RAPH1: variants seen among roughly 807,000 people sequenced by gnomAD.
The protein encoded by RAPH1 is Ras association (RalGDS/AF-6) and pleckstrin homology domains 1, also known as ras-associated and pleckstrin homology domains-containing protein 1.
RAPH1 carries 18 observed loss-of-function variants against 88.1 expected under a neutral mutation model. That is an observed-to-expected ratio of 0.20 (90% CI 0.14 to 0.30). The LOEUF is 0.30. RAPH1 is among the 10% of genes least tolerant of loss of function. The pLI is 1.00. For synonymous variants in RAPH1, 587 were observed against 559.0 expected, an observed-to-expected ratio of 1.05 and a Z score of -0.71; for missense variants, 1,448 against 1,543.2, an observed-to-expected ratio of 0.94 and a Z score of 1.03.
At chr2:203,506,822 A>AGATATATATC (rs1559494569) in intron 1 of RAPH1, among the ~76,000 whole-genome samples, 1 of 66,658 alleles carries the variant, frequency 1.5e-5, no homozygotes, top group Non-Finnish European at 2.8e-5. Flanking sequence ...CTATATATCT[A>AGATATATATC]TATATATATC....
chr2:203,440,117 G>C lies in RAPH1; in HGVS notation c.3073C>G (p.Pro1025Ala). The C allele has an allele frequency of 6.2e-7, 1 of 1,613,546 alleles. No homozygotes were observed. Among genetic ancestry groups the C allele is most frequent in the Non-Finnish European group, 8.5e-7 (1 of 1,180,000 alleles). ...KETLPPPAAP[P>A]KPGKLNLSGV... Reference sequence around the variant, plus strand: ...GAAAGATTGAGTTTTCCAGGCTTGGGGGGTGCTGCAGGAGGTGGTAGGGTC... The same window carrying C: ...GAAAGATTGAGTTTTCCAGGCTTGGCGGGTGCTGCAGGAGGTGGTAGGGTC... Residue 1025 changes from proline (P) to alanine (A), a missense_variant, in exon 14 of 14, where the codon CCC (proline) becomes GCC (alanine). This residue lies in a region of RAPH1 where 935 missense variants were observed against 890.1 expected (regional missense o/e 1.05). Coordinates refer to ENST00000319170, the MANE Select transcript of RAPH1 (RefSeq NM_213589.3).
Position 203,434,590 on chromosome 2 carries a change from G to A in RAPH1, c.*4847C>T, listed in dbSNP as rs538361716. On this transcript the variant is annotated 3_prime_UTR_variant, in exon 14 of 14. Coordinates refer to ENST00000319170, the MANE Select transcript of RAPH1 (RefSeq NM_213589.3). ...GCAAAAAAAAAAAAAAAAGTAGGAG[G>A]TGGGGAAATAATATGAAAAACGGCA... is the stretch of plus-strand genomic sequence containing the variant. The A allele has an allele frequency of 3.3e-5, 5 of 152,096 alleles. No homozygotes were observed. In the South Asian group the frequency reaches 1.0e-3, roughly 32 times the overall value. 9.4% of individuals were successfully genotyped at this position (152,096 alleles called of 1,614,324 possible).
chr2:203,525,660 C>T (rs1559506296), intron 1 of RAPH1, among the ~76,000 whole-genome samples: 1 of 151,928 alleles, frequency 6.6e-6, no homozygotes, highest in Non-Finnish European at 1.5e-5. Context: ...ACCTGTAATC[C>T]CAGTTACTTG....
intron 1 of RAPH1, among the ~76,000 whole-genome samples, chr2:203,511,211 C>CT (rs1160263107): frequency 2.6e-5 from 4 of 151,374 alleles, no homozygotes; most frequent in Non-Finnish European, 4.4e-5. Context: ...CAAATTTCGA[C>CT]TTTTTTCTGC....
At position 203,459,498 on chromosome 2, in the gene RAPH1, A is replaced by G. The variant is rs576869465; in HGVS notation, c.1092+409T>C. Among the ~76,000 whole-genome samples, 129 of 152,364 alleles carry G rather than the reference A, an allele frequency of 8.5e-4. 1 individual carries two copies. Among genetic ancestry groups the G allele is most frequent in the Non-Finnish European group, 1.5e-3 (104 of 68,030 alleles). ...ATCAAGGTTACTGGGATGTTTAAAA[A>G]GTAATTCCAAAAGAAGTGTCAACTG... On this transcript the variant is annotated intron_variant, in intron 7 of 13. Transcript: ENST00000319170.
At chr2:203,506,746 A>C (rs7588693) in intron 1 of RAPH1, among the ~76,000 whole-genome samples, 58,912 of 118,712 alleles carry the variant, frequency 0.5, 16,592 homozygotes, top group Middle Eastern at 0.7. Flanking sequence ...ATATATCTAT[A>C]TATATATATA....
At position 203,487,071 on chromosome 2, in the gene RAPH1, A is replaced by G. The variant is rs556488986; in HGVS notation, c.732+2513T>C. ...AGAGGAACTTTTCACGTTTTACTTC[A>G]ATTTGCCCCTATACTGTATGAACTT... On this transcript the variant is annotated intron_variant, in intron 4 of 13. Transcript: ENST00000319170. Among the ~76,000 whole-genome samples the G allele has an allele frequency of 7.2e-5, 11 of 152,316 alleles. No individual in the cohort carries two copies. In the East Asian group the frequency reaches 1.7e-3, roughly 24 times the overall value.
chr2:203,492,462 A>C (rs1033880061), intron 2 of RAPH1, among the ~76,000 whole-genome samples: 4 of 152,178 alleles, frequency 2.6e-5, no homozygotes, highest in Admixed American at 6.5e-5. Flanking sequence ...GTTCTATCAA[A>C]AGGAGGGCAA....
intron 4 of RAPH1, among the ~76,000 whole-genome samples, chr2:203,480,763 C>T (rs974393867): frequency 3.9e-5 from 6 of 152,152 alleles, no homozygotes; most frequent in South Asian, 2.1e-4. Flanking sequence ...TCTTTACTGA[C>T]ACACGTATGC....
intron 3 of RAPH1, 35 bp from the exon 4 acceptor site, chr2:203,490,124 A>G (rs555486247): frequency 1.3e-6 from 2 of 1,533,082 alleles, no homozygotes; most frequent in African/African-American, 2.8e-5. Flanking sequence ...TCCAGAATTT[A>G]TACATTCTAT....
rs2098503634 is a variant in RAPH1 at position 203,441,232 on chromosome 2, G to C, written c.1958C>G (p.Ser653Cys). 1.3e-6 allele frequency: 2 copies of C among 1,575,538 alleles called. No individual in the cohort carries two copies. The highest frequency in any genetic ancestry group is 1.7e-6 in the Non-Finnish European group (2 of 1,154,174). ...PPPPPPLPSQ[S>C]APSAGSAAPM... ...GGCTGCTGAGCCTGCAGAAGGTGCA[G>C]ACTGGCTGGGGAGTGGGGGAGGAGG... Residue 653 changes from serine to cysteine, a missense_variant, in exon 14 of 14, where the codon TCT becomes TGT. Transcript: ENST00000319170.
At chr2:203,462,221 T>C (rs2098524711) in intron 4 of RAPH1, among the ~76,000 whole-genome samples, 1 of 152,232 alleles carries the variant, frequency 6.6e-6, no homozygotes, top group Non-Finnish European at 1.5e-5. Context: ...GTGAAGCAGA[T>C]GAATTTCAGG....
rs1272050521 is a variant in RAPH1, at chr2:203,439,582, G to C, written c.3608C>G (p.Pro1203Arg). The C allele has an allele frequency of 6.2e-7, 1 of 1,614,120 alleles. No homozygotes were observed. Residue 1203 changes from proline to arginine, a missense_variant, in exon 14 of 14, where the codon CCT becomes CGT. Physicochemically the swap from Pro to Arg is moderately radical, Grantham distance 103. Transcript: ENST00000319170. The part of the protein sequence containing the change: ...PTATMDDMAL[P>R]PPPPELLSDQ... ...AGACAGCAGTTCAGGGGGTGGTGGA[G>C]GCAATGCCATATCATCCATGGTGGC...
chr2:203,474,073 C>T (rs564770025), intron 4 of RAPH1, among the ~76,000 whole-genome samples: 12 of 152,206 alleles, frequency 7.9e-5, no homozygotes, highest in Admixed American at 6.5e-4. Context: ...CCCAAATTAG[C>T]GGCTTAATAA....
In RAPH1 at chr2:203,436,058, A is replaced by G. The variant is rs2098498229; in HGVS notation, c.*3379T>C. The G allele has an allele frequency of 6.6e-6, 1 of 152,214 alleles. No homozygotes were observed. Among genetic ancestry groups the G allele is most frequent in the African/African-American group, 2.4e-5 (1 of 41,450 alleles). 9.4% of individuals were successfully genotyped at this position (152,214 alleles called of 1,614,324 possible). A position where few individuals can be genotyped will look rare whatever the true frequency, so the allele number is the denominator to read the frequency against. On this transcript the variant is annotated 3_prime_UTR_variant, in exon 14 of 14. Coordinates refer to ENST00000319170, the MANE Select transcript of RAPH1 (RefSeq NM_213589.3). ...GAGTTGTCACTTGGTTGGAATTATT[A>G]TGATCCCCCAATTTAAATTTTCTTG...
At chr2:203,501,182 A>C (rs974760677) in intron 1 of RAPH1, among the ~76,000 whole-genome samples, 1 of 152,188 alleles carries the variant, frequency 6.6e-6, no homozygotes, top group African/African-American at 2.4e-5. Context: ...AGTAAGGCAC[A>C]AAAAGAGGAA....
At chr2:203,528,995 A>ATTTT (rs1559508240) in intron 1 of RAPH1, among the ~76,000 whole-genome samples, 5 of 79,538 alleles carry the variant, frequency 6.3e-5, no homozygotes, top group African/African-American at 3.4e-4. Flanking sequence ...ATATATATAT[A>ATTTT]TATATATATA....
intron 4 of RAPH1, among the ~76,000 whole-genome samples, chr2:203,479,879 A>C (rs1183945555): frequency 6.6e-6 from 1 of 152,228 alleles, no homozygotes; most frequent in East Asian, 1.9e-4. Context: ...TTACCAAAAA[A>C]TATTATCTGC....
chr2:203,506,858 A>ATATC lies in RAPH1; in HGVS notation c.1-11506_1-11505insGATA, dbSNP rs1553630561. 8.6e-4 allele frequency among the ~76,000 whole-genome samples: 57 copies of ATATC among 66,580 alleles called. 2 individuals carry two copies. Among genetic ancestry groups the ATATC allele is most frequent in the Non-Finnish European group, 1.5e-3 (52 of 34,600 alleles). The allele number at this position is 66,580 out of a possible 152,430, so 43.7% of individuals were successfully genotyped here. A position where few individuals can be genotyped will look rare whatever the true frequency, so the allele number is the denominator to read the frequency against. On this transcript the variant is annotated intron_variant, in intron 1 of 13. Coordinates refer to ENST00000319170, the MANE Select transcript of RAPH1 (RefSeq NM_213589.3). ...TATATCTATATATCTATCTATATCTATATATATATATATATATATATAGAT... is the reference window on the plus strand; with the variant it reads ...TATATCTATATATCTATCTATATCTATATCTATATATATATATATATATATAGAT...
Sources: gnomAD v4.1 joint callset for allele counts (sites outside exome capture counted in the v4.1 genomes callset) on GRCh38, gnomAD v4.1.1 for gene constraint, gnomAD v4.1.1 regional missense constraint, MANE v1.5 for transcripts, NCBI Gene and HGNC (gene_info 2026-07-23, HGNC 2026-07-21) for gene names.